The following STARD13 variants were observed in gnomAD, a reference collection of about 807,000 sequenced individuals.
STARD13 encodes stAR-related lipid transfer protein 13.
STARD13 carries 62 observed loss-of-function variants against 106.4 expected under a neutral mutation model. The observed-to-expected ratio is 0.58, with a 90% confidence interval of 0.48 to 0.72. The LOEUF (loss-of-function observed/expected upper bound fraction) is 0.72. Among genes scored for constraint, STARD13 ranks in the 30% least tolerant of loss-of-function variants. The pLI is 0.00. For synonymous variants in STARD13, 565 were observed against 553.0 expected (o/e 1.02, Z -0.31); for missense variants, 1,387 against 1,424.0 (o/e 0.97, Z 0.42).
the STARD13 span, among the ~76,000 whole-genome samples, chr13:33,404,773 CTTT>C: frequency 3.3e-5 from 4 of 122,240 alleles, no homozygotes; most frequent in Admixed American, 8.3e-5. Context: ...ACCTCTGGGA[CTTT>C]TTTTTTTTTT....
chr13:33,255,989 G>C (rs9591626), intron 1 of STARD13, among the ~76,000 whole-genome samples: 1,715 of 152,258 alleles, frequency 0.011, 25 homozygotes, highest in African/African-American at 0.034. Flanking sequence ...TAAATAAAAA[G>C]CATAAATATA....
chr13:33,353,667 A>G (rs910423195), upstream of STARD13, among the ~76,000 whole-genome samples: 4 of 152,228 alleles, frequency 2.6e-5, no homozygotes, highest in South Asian at 2.1e-4. Flanking sequence ...GACTTAACCT[A>G]TGCTTCCAAC....
the STARD13 span, among the ~76,000 whole-genome samples, chr13:33,463,856 G>C: frequency 6.6e-6 from 1 of 151,686 alleles, no homozygotes; most frequent in African/African-American, 2.4e-5. Flanking sequence ...TACTAAAACT[G>C]CAAAAATTAG....
the STARD13 span, among the ~76,000 whole-genome samples, chr13:33,507,793 G>A: frequency 6.6e-6 from 1 of 152,070 alleles, no homozygotes; most frequent in Non-Finnish European, 1.5e-5. Flanking sequence ...AAGTAAGCTA[G>A]GGAAATTTTT....
intron 1 of STARD13, among the ~76,000 whole-genome samples, chr13:33,279,070 T>C (rs1207795680): frequency 6.6e-6 from 1 of 152,184 alleles, no homozygotes; most frequent in East Asian, 1.9e-4. Flanking sequence ...CAGGTTCTCC[T>C]ATCTTCTTAA....
At chr13:33,131,434 GAT>G (rs144360170) in intron 4 of STARD13, among the ~76,000 whole-genome samples, 11,984 of 80,330 alleles carry the variant, frequency 0.15, 604 homozygotes, top group East Asian at 0.36. Flanking sequence ...CGAATCATAT[GAT>G]TTTTTTTTTT....
chr13:33,522,797 G>A, the STARD13 span, among the ~76,000 whole-genome samples: 1 of 152,138 alleles, frequency 6.6e-6, no homozygotes, highest in Non-Finnish European at 1.5e-5. Context: ...CCTTTGCTAG[G>A]CCTTGGTCTT....
At chr13:33,297,281 C>A (rs568112254) in intron 1 of STARD13, among the ~76,000 whole-genome samples, 1 of 152,214 alleles carries the variant, frequency 6.6e-6, no homozygotes, top group African/African-American at 2.4e-5. Flanking sequence ...TCCTTAGTGG[C>A]TCCGCCAAAA....
At chr13:33,272,919 T>C (rs1377406023) in intron 1 of STARD13, 1 of 152,102 alleles carries the variant, frequency 6.6e-6, no homozygotes, top group Non-Finnish European at 1.5e-5. Flanking sequence ...TTACTCTAAA[T>C]GGGGGTTGGG....
chr13:33,406,502 CTT>C, the STARD13 span, among the ~76,000 whole-genome samples: 1 of 152,174 alleles, frequency 6.6e-6, no homozygotes, highest in African/African-American at 2.4e-5. Context: ...CAACACATAA[CTT>C]TATTTTTTTG....
At chr13:33,463,732 G>A in the STARD13 span, among the ~76,000 whole-genome samples, 2 of 152,092 alleles carry the variant, frequency 1.3e-5, no homozygotes, top group Non-Finnish European at 2.9e-5. Context: ...TATATGCATA[G>A]GCTGGGTGCA....
Position 33,190,333 on chromosome 13 carries a change from ATTGT to A in STARD13, c.170-22715_170-22712del, listed in dbSNP as rs558103215. 2.2e-4 allele frequency among the ~76,000 whole-genome samples: 33 copies of A among 152,202 alleles called. No individual in the cohort carries two copies. The South Asian group carries it at 6.6e-3, about 31-fold the overall frequency. On this transcript the variant is annotated intron_variant, in intron 1 of 13. Transcript: ENST00000336934. ...TTACTTGGGAGGCTGAAGTGGGAGG[ATTGT>A]TTGAGCCCGGGAGGTAGAGGCTGCA...
intron 1 of STARD13, among the ~76,000 whole-genome samples, chr13:33,207,255 C>A (rs1193691382): frequency 6.6e-6 from 1 of 152,154 alleles, no homozygotes; most frequent in African/African-American, 2.4e-5. Context: ...AAGCATAGGG[C>A]AGAGTGGGGC....
intron 1 of STARD13, among the ~76,000 whole-genome samples, chr13:33,204,213 T>G (rs145478959): frequency 6.6e-6 from 1 of 152,204 alleles, no homozygotes; most frequent in Non-Finnish European, 1.5e-5. Flanking sequence ...TGTCAGCACA[T>G]GTGAGTTTAG....
the STARD13 span, among the ~76,000 whole-genome samples, chr13:33,493,232 C>T: frequency 6.6e-6 from 1 of 152,252 alleles, no homozygotes; most frequent in South Asian, 2.1e-4. Flanking sequence ...AGCCTCCTTG[C>T]GGAACCAAGG....
the STARD13 span, among the ~76,000 whole-genome samples, chr13:33,617,877 T>C: frequency 1.9e-4 from 29 of 152,188 alleles, no homozygotes; most frequent in African/African-American, 6.5e-4. Flanking sequence ...GAGGAATATG[T>C]TCTCTCAAGG....
the STARD13 span, among the ~76,000 whole-genome samples, chr13:33,497,747 T>C: frequency 1.3e-5 from 2 of 152,174 alleles, no homozygotes; most frequent in African/African-American, 4.8e-5. Flanking sequence ...TATTGTGTCT[T>C]CTCATAGGTC....
the STARD13 span, among the ~76,000 whole-genome samples, chr13:33,563,698 C>A: frequency 2.7e-5 from 4 of 147,636 alleles, 1 homozygote; most frequent in South Asian, 8.6e-4. Flanking sequence ...ATGAAAAGCA[C>A]AGGCAACAAA....
chr13:33,638,891 C>G, the STARD13 span, among the ~76,000 whole-genome samples: 1 of 152,084 alleles, frequency 6.6e-6, no homozygotes, highest in Non-Finnish European at 1.5e-5. Context: ...TCTAACCAAA[C>G]TTGTGGTTAT....
Sources: allele counts gnomAD v4.1 joint callset (sites outside exome capture counted in the v4.1 genomes callset), GRCh38; gene constraint gnomAD v4.1.1; transcripts MANE v1.5; gene names NCBI Gene and HGNC (gene_info 2026-07-23, HGNC 2026-07-21).